The following AEN variants were observed in gnomAD, a reference collection of about 807,000 sequenced individuals.
AEN encodes apoptosis enhancing nuclease.
AEN carries 21 observed loss-of-function variants against 17.7 expected under a neutral mutation model. The ratio of observed to expected loss-of-function variants is 1.19; its 90% confidence interval spans 0.84 to 1.71. The LOEUF is 1.71. AEN is among the 40% of genes most tolerant of loss of function. AEN has a pLI of 0.00. For synonymous variants in AEN, 190 were observed against 173.0 expected (o/e 1.10, Z -0.77); for missense variants, 462 against 435.9 (o/e 1.06, Z -0.53).
the AEN span, among the ~76,000 whole-genome samples, chr15:88,609,411 T>C: frequency 6.6e-6 from 1 of 152,216 alleles, no homozygotes; most frequent in East Asian, 1.9e-4. Flanking sequence ...AAAAGCTTCA[T>C]ATTCCCTAGC....
At position 88,632,026 on chromosome 15, in the gene AEN, TG is replaced by T. The variant is rs1156644405; in HGVS notation, c.*1734del. ...TTGGGGTCATAGATTGTCCAGTCAC[TG>T]GCTCCCTCCCTGTCAGCACAGCACA... On this transcript the variant is annotated 3_prime_UTR_variant, in exon 4 of 4. Transcript: ENST00000332810. 6.6e-6 allele frequency: 1 copy of T among 152,298 alleles called. No homozygotes were observed. Among genetic ancestry groups the T allele is most frequent in the Non-Finnish European group, 1.5e-5 (1 of 68,108 alleles). The allele number at this position is 152,298 out of a possible 1,614,324, so 9.4% of individuals were successfully genotyped here.
At chr15:88,613,162 T>C in the AEN span, among the ~76,000 whole-genome samples, 1 of 152,228 alleles carries the variant, frequency 6.6e-6, no homozygotes, top group African/African-American at 2.4e-5. Flanking sequence ...GAGCTCATTC[T>C]ACCTCTTCCG....
At chr15:88,611,788 G>T in the AEN span, 1 of 459,868 alleles carries the variant, frequency 2.2e-6, no homozygotes. Flanking sequence ...GGTGGCGAGG[G>T]GAGGGGGGTG....
In AEN at chr15:88,626,461, G is replaced by A. The variant is rs2057854846; in HGVS notation, c.252G>A (p.Leu84=). 1 of 1,613,828 alleles carries A rather than the reference G, an allele frequency of 6.2e-7. No homozygotes were observed. Among genetic ancestry groups the A allele is most frequent in the African/African-American group, 1.3e-5 (1 of 74,948 alleles). ...CTGCCAGCAGTGGGAAGCAGTGTCTGAGGGCTGGATCTGGCAGTGCCCCAT... is the reference window on the plus strand; with the variant it reads ...CTGCCAGCAGTGGGAAGCAGTGTCTAAGGGCTGGATCTGGCAGTGCCCCAT... ...TEAASSGKQC[L]RAGSGSAPCS... The change falls in exon 2 of 4, where the codon CTG becomes CTA. Residue 84 remains leucine (L), a synonymous_variant. Transcript: ENST00000332810.
At chr15:88,619,202 G>T (rs1378005735), upstream of AEN, among the ~76,000 whole-genome samples, 2 of 152,200 alleles carry the variant, frequency 1.3e-5, no homozygotes, top group East Asian at 1.9e-4. Flanking sequence ...TTGCCCTATT[G>T]TTTCTCCTGG....
intron 1 of AEN, among the ~76,000 whole-genome samples, chr15:88,623,785 G>A (rs750499904): frequency 6.6e-5 from 10 of 152,330 alleles, no homozygotes; most frequent in African/African-American, 2.4e-4. Context: ...ACCAGATTGC[G>A]GTAGGGGTGG....
chr15:88,614,595 C>T, the AEN span, among the ~76,000 whole-genome samples: 11 of 152,182 alleles, frequency 7.2e-5, no homozygotes, highest in Admixed American at 6.5e-4. Context: ...GCCTTAACTG[C>T]ATCAACCGGG....
chr15:88,616,920 G>T (rs1047912392), upstream of AEN, among the ~76,000 whole-genome samples: 1 of 152,200 alleles, frequency 6.6e-6, no homozygotes, highest in African/African-American at 2.4e-5. Context: ...TGGTAGGTTA[G>T]ATGTATTAAG....
the AEN span, among the ~76,000 whole-genome samples, chr15:88,605,610 A>G: frequency 6.6e-6 from 1 of 152,160 alleles, no homozygotes; most frequent in Admixed American, 6.5e-5. The surrounding 1 kb of genome is among the most constrained non-coding windows in gnomAD (Gnocchi z 7.6). Flanking sequence ...CAGGGAGGGG[A>G]ATCAGAGGCG....
the AEN span, chr15:88,608,229 T>C: frequency 2.0e-6 from 1 of 511,552 alleles, no homozygotes; most frequent in Non-Finnish European, 4.1e-6. Flanking sequence ...GGATTGAATC[T>C]GCCTTAGTTC....
Position 88,629,399 on chromosome 15 carries a change from C to T in AEN, c.714C>T (p.Ala238=), listed in dbSNP as rs113920499. The stretch of plus-strand genomic sequence containing the variant: ...CCCGGGTCTCTCTAAAGGACCTGGC[C>T]CTGCAGCTGCTGCACAAGAAGATCC... ...TRARVSLKDL[A]LQLLHKKIQV... Residue 238 remains alanine, a synonymous_variant, in exon 3 of 4, where the codon GCC becomes GCT. Transcript: ENST00000332810. 1,101 of 1,614,008 alleles carry T rather than the reference C, an allele frequency of 6.8e-4. 11 individuals carry two copies. In the African/African-American group the frequency reaches 0.013, roughly 19 times the overall value.
At chr15:88,606,369 C>T in the AEN span, among the ~76,000 whole-genome samples, 3 of 152,080 alleles carry the variant, frequency 2.0e-5, no homozygotes, top group African/African-American at 4.8e-5. Flanking sequence ...AAAACTCAAG[C>T]GTGGATGAAA....
intron 1 of AEN, among the ~76,000 whole-genome samples, chr15:88,624,525 G>C (rs1249388966): frequency 6.6e-6 from 1 of 152,194 alleles, no homozygotes; most frequent in Admixed American, 6.5e-5. Context: ...TCACACAGTA[G>C]AGGGGGTGGT....
chr15:88,618,094 C>A (rs574397304), upstream of AEN, among the ~76,000 whole-genome samples: 2 of 152,272 alleles, frequency 1.3e-5, no homozygotes, highest in South Asian at 4.1e-4. Flanking sequence ...TTTTTGCCTA[C>A]CCCTTGAGAG....
At chr15:88,622,857 A>C (rs2057805407) in intron 1 of AEN, among the ~76,000 whole-genome samples, 1 of 152,192 alleles carries the variant, frequency 6.6e-6, no homozygotes, top group African/African-American at 2.4e-5. Context: ...AATAATACAG[A>C]ACAATATGAG....
Position 88,629,296 on chromosome 15 carries a change from A to C in AEN, c.611A>C (p.Tyr204Ser). The stretch of plus-strand genomic sequence containing the variant: ...CACAACGACTTCCAGGCGCTCAAGT[A>C]TGTCCACCCTCGGAGCCAGACCCGG... ...ALHNDFQALKYVHPRSQTRDT... is the reference protein window; with the variant it reads ...ALHNDFQALKSVHPRSQTRDT... Residue 204 changes from tyrosine (Y) to serine (S), a missense_variant, in exon 3 of 4, where the codon TAT becomes TCT. By Grantham distance (144) the Tyr-to-Ser change is moderately radical (BLOSUM62 -2). Coordinates refer to ENST00000332810, the MANE Select transcript of AEN (RefSeq NM_022767.4). 6.2e-7 allele frequency: 1 copy of C among 1,614,060 alleles called. No homozygotes were observed. The highest frequency in any genetic ancestry group is 8.5e-7 in the Non-Finnish European group (1 of 1,179,994).
At chr15:88,619,628 C>T (rs1209040850), upstream of AEN, among the ~76,000 whole-genome samples, 1 of 152,156 alleles carries the variant, frequency 6.6e-6, no homozygotes, top group African/African-American at 2.4e-5. Flanking sequence ...GCACATGTTG[C>T]AGTGAGCCGA....
the AEN span, among the ~76,000 whole-genome samples, chr15:88,614,218 G>T: frequency 1.5e-4 from 23 of 151,714 alleles, no homozygotes; most frequent in African/African-American, 5.6e-4. Context: ...TTTATTTATT[G>T]AAATGGGGTC....
At chr15:88,621,920 G>C (rs1332162804) in intron 1 of AEN, 1 of 152,188 alleles carries the variant, frequency 6.6e-6, no homozygotes, top group Admixed American at 6.5e-5. Flanking sequence ...CGGTGTGGGA[G>C]TGGGCCTGAA....
Sources: gnomAD v4.1 joint callset for allele counts (sites outside exome capture counted in the v4.1 genomes callset) on GRCh38, gnomAD v4.1.1 for gene constraint, Gnocchi (gnomAD v3.1) non-coding constraint, MANE v1.5 for transcripts, NCBI Gene and HGNC (gene_info 2026-07-23, HGNC 2026-07-21) for gene names.